Variants in SSBP2 observed in about 807,000 individuals in gnomAD.
SSBP2 encodes the protein single stranded DNA binding protein 2, also known as single-stranded DNA-binding protein 2.
Under a neutral mutation model 61.8 loss-of-function variants are expected in SSBP2, and 17 were observed. The ratio of observed to expected loss-of-function variants is 0.28; its 90% CI spans 0.19 to 0.41. The LOEUF is 0.41. Ranked by LOEUF, SSBP2 falls within the 10% of genes least tolerant of loss-of-function variation. The pLI, the probability that SSBP2 is intolerant of heterozygous loss-of-function variation, is 1.00. For synonymous variants in SSBP2, 139 were observed against 141.3 expected (o/e 0.98, Z 0.12); for missense variants, 310 against 458.7 (o/e 0.68, Z 2.96).
intron 1 of SSBP2, among the ~76,000 whole-genome samples, chr5:81,681,682 G>A (rs1353807567): frequency 2.6e-5 from 4 of 151,896 alleles, no homozygotes; most frequent in African/African-American, 9.7e-5. Context: ...AGGAAAAGAA[G>A]GGCAAATTAA....
chr5:81,675,196 GA>G (rs1751861648), intron 1 of SSBP2, among the ~76,000 whole-genome samples: 1 of 152,072 alleles, frequency 6.6e-6, no homozygotes, highest in South Asian at 2.1e-4. Flanking sequence ...GCAGAAACTG[GA>G]AGTTGCCTCC....
At chr5:81,626,485 C>T (rs1390150637) in intron 3 of SSBP2, among the ~76,000 whole-genome samples, 1 of 152,148 alleles carries the variant, frequency 6.6e-6, no homozygotes. Context: ...TTGTTTCTAA[C>T]GTGAGTGTGG....
intron 4 of SSBP2, among the ~76,000 whole-genome samples, chr5:81,514,630 T>C (rs1428807967): frequency 3.3e-5 from 5 of 152,038 alleles, no homozygotes. Flanking sequence ...TCTGCTATGA[T>C]GAGAAATCAA....
intron 12 of SSBP2, chr5:81,443,334 T>C (rs1453023315): frequency 6.6e-6 from 1 of 152,206 alleles, no homozygotes; most frequent in Non-Finnish European, 1.5e-5. Flanking sequence ...AAAATATCTG[T>C]ACTGCATATC....
At chr5:81,553,112 G>A (rs1381067563) in intron 4 of SSBP2, among the ~76,000 whole-genome samples, 1 of 152,042 alleles carries the variant, frequency 6.6e-6, no homozygotes. Flanking sequence ...ATGAGGCCTT[G>A]GGTGAGTCAC....
At chr5:81,701,552 A>T (rs418033) in intron 1 of SSBP2, among the ~76,000 whole-genome samples, 60,492 of 151,990 alleles carry the variant, frequency 0.4, 12,478 homozygotes, top group Middle Eastern at 0.57. Flanking sequence ...GTGGAGCACA[A>T]TAAAACAAGG....
chr5:81,586,529 A>G (rs766439569), intron 4 of SSBP2, among the ~76,000 whole-genome samples: 4 of 152,064 alleles, frequency 2.6e-5, no homozygotes, highest in Admixed American at 1.3e-4. Flanking sequence ...TACATATGTC[A>G]TAACAGAACA....
intron 15 of SSBP2, among the ~76,000 whole-genome samples, chr5:81,434,728 A>C (rs927348151): frequency 2.0e-5 from 3 of 152,070 alleles, no homozygotes; most frequent in Non-Finnish European, 4.4e-5. Flanking sequence ...CGAAAAAAAC[A>C]GGATGGAAAT....
At chr5:81,645,998 G>C (rs1278159138) in intron 2 of SSBP2, among the ~76,000 whole-genome samples, 3 of 152,118 alleles carry the variant, frequency 2.0e-5, no homozygotes, top group African/African-American at 7.2e-5. Flanking sequence ...TCTTCTGACT[G>C]ATAACAAAAG....
At chr5:81,640,579 T>A (rs60916090) in intron 2 of SSBP2, among the ~76,000 whole-genome samples, 2,772 of 152,278 alleles carry the variant, frequency 0.018, 102 homozygotes, top group African/African-American at 0.063. Context: ...TTTTATATTA[T>A]CTTGGTTCAT....
At chr5:81,679,622 G>T (rs566237150) in intron 1 of SSBP2, among the ~76,000 whole-genome samples, 10 of 152,244 alleles carry the variant, frequency 6.6e-5, no homozygotes, top group African/African-American at 2.4e-4. Flanking sequence ...GGAGAAAAAT[G>T]GAATCATATA....
Position 81,414,501 on chromosome 5 carries a change from T to G in SSBP2, c.*6003A>C, listed in dbSNP as rs1761236512. 6.6e-6 allele frequency: 1 copy of G among 152,232 alleles called. No homozygotes were observed. Among genetic ancestry groups the G allele is most frequent in the Non-Finnish European group, 1.5e-5 (1 of 68,028 alleles). The allele number at this position is 152,232 out of a possible 1,614,324, so 9.4% of individuals were successfully genotyped here. A position where few individuals can be genotyped will look rare whatever the true frequency, so the allele number is the denominator to read the frequency against. On this transcript the variant is annotated 3_prime_UTR_variant, in exon 17 of 17. Transcript: ENST00000320672. ...TCATGGGTAGGTCACCTTATCAATCTGAATTACAGTTCATGGGTAAAGCTA... is the reference window on the plus strand; with the variant it reads ...TCATGGGTAGGTCACCTTATCAATCGGAATTACAGTTCATGGGTAAAGCTA...
chr5:81,483,914 C>T (rs973961399), intron 6 of SSBP2, among the ~76,000 whole-genome samples: 15 of 152,300 alleles, frequency 9.8e-5, no homozygotes, highest in African/African-American at 3.6e-4. Context: ...TCTTCACTCA[C>T]ACTAGTCCTA....
intron 5 of SSBP2, among the ~76,000 whole-genome samples, chr5:81,502,215 A>G (rs1767849678): frequency 6.6e-6 from 1 of 152,166 alleles, no homozygotes; most frequent in South Asian, 2.1e-4. Flanking sequence ...GTTAAATCCA[A>G]TGGTCAACTG....
At chr5:81,607,747 C>G (rs1745019484) in intron 4 of SSBP2, among the ~76,000 whole-genome samples, 1 of 152,114 alleles carries the variant, frequency 6.6e-6, no homozygotes, top group Non-Finnish European at 1.5e-5. Flanking sequence ...AAAAATCATT[C>G]AGCCATTGAC....
intron 1 of SSBP2, among the ~76,000 whole-genome samples, chr5:81,680,327 TATATAA>T (rs1752292950): frequency 6.8e-6 from 1 of 148,078 alleles, no homozygotes; most frequent in African/African-American, 2.4e-5. Context: ...TATGTTATAA[TATATAA>T]TTTATTATAT....
chr5:81,466,587 A>G (rs1270878968), intron 9 of SSBP2, among the ~76,000 whole-genome samples: 4 of 151,988 alleles, frequency 2.6e-5, no homozygotes. Context: ...ACCGTATTCA[A>G]TTATCTACTT....
chr5:81,457,049 G>A (rs1367152470), intron 10 of SSBP2, among the ~76,000 whole-genome samples: 1 of 152,160 alleles, frequency 6.6e-6, no homozygotes, highest in Non-Finnish European at 1.5e-5. Context: ...AGTTCTGTTA[G>A]TTGAGAGGGC....
At chr5:81,481,458 C>A (rs1393930941) in intron 6 of SSBP2, among the ~76,000 whole-genome samples, 2 of 151,732 alleles carry the variant, frequency 1.3e-5, no homozygotes, top group East Asian at 3.9e-4. Flanking sequence ...CCCATCTCTA[C>A]TAAAAATAAA....
Sources: allele counts gnomAD v4.1 joint callset (sites outside exome capture counted in the v4.1 genomes callset), GRCh38; gene constraint gnomAD v4.1.1; transcripts MANE v1.5; gene names NCBI Gene and HGNC (gene_info 2026-07-23, HGNC 2026-07-21).